SMTNL2: variants seen among roughly 807,000 people sequenced by gnomAD.
SMTNL2 encodes smoothelin-like protein 2.
SMTNL2 carries 43 observed loss-of-function variants against 44.1 expected under a neutral mutation model. That is an observed-to-expected ratio of 0.98 (90% CI 0.76 to 1.26). The LOEUF (loss-of-function observed/expected upper bound fraction) is 1.26, where lower values mean the gene tolerates loss of function less well. SMTNL2 is among the 50% of genes most tolerant of loss of function. SMTNL2 has a pLI of 0.00. For missense variants in SMTNL2, 646 were observed against 670.2 expected (o/e 0.96, Z 0.40); for synonymous variants, 317 against 287.6 (o/e 1.10, Z -1.03).
chr17:4,607,837 C>T lies in SMTNL2; in HGVS notation c.*350C>T, dbSNP rs1159652185. ...TTTCCCTCTGGTGAATTCGATACAT[C>T]GGCTTTACAGGGTTACAGTGATTAC... is the stretch of plus-strand genomic sequence containing the variant. On this transcript the variant is annotated 3_prime_UTR_variant, in exon 8 of 8. Coordinates refer to ENST00000389313, the MANE Select transcript of SMTNL2 (RefSeq NM_001114974.2). The surrounding 1 kb of genome is among the most constrained non-coding windows in gnomAD (Gnocchi z 4.7). 5.1e-6 allele frequency: 1 copy of T among 194,386 alleles called. No homozygotes were observed. The allele number at this position is 194,386 out of a possible 1,614,324, so 12.0% of individuals were successfully genotyped here.
rs181116868 is a variant in SMTNL2 at position 4,598,696 on chromosome 17, C to T, written c.1259+1373C>T. On this transcript the variant is annotated intron_variant, in intron 7 of 7. Transcript: ENST00000389313. The surrounding 1 kb of genome is among the most constrained non-coding windows in gnomAD (Gnocchi z 4.8). ...AAAATTAGCCAGGCATGGTGGCAGGCGCCTGGAGTCCCAGCTACTCAGGAG... is the reference window on the plus strand; with the variant it reads ...AAAATTAGCCAGGCATGGTGGCAGGTGCCTGGAGTCCCAGCTACTCAGGAG... 2.0e-4 allele frequency among the ~76,000 whole-genome samples: 30 copies of T among 152,212 alleles called. No homozygotes were observed. Among genetic ancestry groups the T allele is most frequent in the Admixed American group, 1.7e-3 (26 of 15,288 alleles).
intron 5 of SMTNL2, among the ~76,000 whole-genome samples, chr17:4,596,088 G>A (rs1909798116): frequency 8.2e-6 from 1 of 122,152 alleles, no homozygotes; most frequent in African/African-American, 2.8e-5. Flanking sequence ...ATTGATGCCT[G>A]CTGTGTGCAG....
chr17:4,597,692 C>T (rs1035848658), intron 7 of SMTNL2, among the ~76,000 whole-genome samples: 1 of 152,214 alleles, frequency 6.6e-6, no homozygotes, highest in Non-Finnish European at 1.5e-5. Context: ...TGGAGAGATG[C>T]CGTTGCTTGC....
In SMTNL2 at chr17:4,607,027, A is replaced by G. The variant is rs1910306656; in HGVS notation, c.1260-334A>G. On this transcript the variant is annotated intron_variant, in intron 7 of 7. Transcript: ENST00000389313. This position sits in a 1 kb window ranked among gnomAD's most constrained non-coding sequence, Gnocchi z 4.7. ...TTGGGCCTAGGAGATCGAGGCTGCAATAAGCTAGGATCGTGCCTCTGTACT... is the reference window on the plus strand; with the variant it reads ...TTGGGCCTAGGAGATCGAGGCTGCAGTAAGCTAGGATCGTGCCTCTGTACT... 6.6e-6 allele frequency among the ~76,000 whole-genome samples: 1 copy of G among 152,136 alleles called. No homozygotes were observed. Among genetic ancestry groups the G allele is most frequent in the Admixed American group, 6.5e-5 (1 of 15,270 alleles).
At chr17:4,597,145 G>A (rs756542566) in intron 6 of SMTNL2, 27 bp from the exon 7 acceptor site, 72 of 1,607,840 alleles carry the variant, frequency 4.5e-5, no homozygotes, top group East Asian at 2.5e-4. Flanking sequence ...CTGCCCTCCC[G>A]CACTGACCCC....
intron 4 of SMTNL2, 105 bp downstream of exon 4, chr17:4,594,002 A>T: frequency 8.3e-7 from 1 of 1,205,086 alleles, no homozygotes. Context: ...GCCTCCTGGT[A>T]AGGCTCGGGG....
intron 1 of SMTNL2, among the ~76,000 whole-genome samples, chr17:4,588,613 G>C (rs1909440262): frequency 6.6e-6 from 1 of 152,238 alleles, no homozygotes; most frequent in African/African-American, 2.4e-5. Flanking sequence ...TTCCAGCCCA[G>C]CCCTTTGGTT....
rs1909860606 is a variant in SMTNL2 at position 4,597,298 on chromosome 17, T to C, written c.1234T>C (p.Phe412Leu). 1 of 1,614,082 alleles carries C rather than the reference T, an allele frequency of 6.2e-7. No individual in the cohort carries two copies. The highest frequency in any genetic ancestry group is 8.5e-7 in the Non-Finnish European group (1 of 1,179,964). The change falls in exon 7 of 8, where the codon TTC becomes CTC. Residue 412 changes from phenylalanine (F) to leucine (L), a missense_variant. Phe to Leu is a conservative substitution (Grantham distance 22). Coordinates refer to ENST00000389313, the MANE Select transcript of SMTNL2 (RefSeq NM_001114974.2). ...GAGCCCCACGCAGAGGCAGAAGAACTTCGAGCTGGCTTTCACCATGGCCGA... is the reference window on the plus strand; with the variant it reads ...GAGCCCCACGCAGAGGCAGAAGAACCTCGAGCTGGCTTTCACCATGGCCGA... Reference protein sequence around the residue: ...SLSPTQRQKNFELAFTMAENL... With the variant: ...SLSPTQRQKNLELAFTMAENL...
chr17:4,605,860 G>A (rs1447460482), intron 7 of SMTNL2, among the ~76,000 whole-genome samples: 1 of 152,156 alleles, frequency 6.6e-6, no homozygotes, highest in Non-Finnish European at 1.5e-5. Context: ...GAGGAGGCAG[G>A]GGGCGCAGGG....
intron 1 of SMTNL2, among the ~76,000 whole-genome samples, chr17:4,587,599 GGGGGTCT>G (rs2150518299): frequency 6.6e-6 from 1 of 152,316 alleles, no homozygotes; most frequent in South Asian, 2.1e-4. Context: ...TCTGTGTAGT[GGGGGTCT>G]GGGTGGGACA....
intron 1 of SMTNL2, among the ~76,000 whole-genome samples, chr17:4,589,730 C>T (rs981033913): frequency 2.6e-4 from 39 of 152,140 alleles, no homozygotes; most frequent in African/African-American, 8.9e-4. Flanking sequence ...GACCCTTTCC[C>T]CTGGCTTCGC....
chr17:4,586,407 T>C (rs1400422949), intron 1 of SMTNL2, among the ~76,000 whole-genome samples: 1 of 152,238 alleles, frequency 6.6e-6, no homozygotes, highest in Non-Finnish European at 1.5e-5. Context: ...TCTGAGGTTT[T>C]ATTTGAACAT....
Position 4,592,858 on chromosome 17 carries a change from C to T in SMTNL2, c.488-71C>T. 1.1e-5 allele frequency: 17 copies of T among 1,549,364 alleles called. No individual in the cohort carries two copies. The highest frequency in any genetic ancestry group is 3.7e-5 in the South Asian group (3 of 81,882). On this transcript the variant is annotated intron_variant, in intron 2 of 7. Transcript: ENST00000389313. The surrounding 1 kb of genome is among the most constrained non-coding windows in gnomAD (Gnocchi z 4.5). ...GAGGAGGGCCCAGGGAGGCTAGAGCCCTCCTGGGAGGTCCCAGGCCCCTGT... is the reference window on the plus strand; with the variant it reads ...GAGGAGGGCCCAGGGAGGCTAGAGCTCTCCTGGGAGGTCCCAGGCCCCTGT...
At position 4,600,930 on chromosome 17, in the gene SMTNL2, C is replaced by A. The variant is rs1030806727; in HGVS notation, c.1259+3607C>A. Among the ~76,000 whole-genome samples the A allele has an allele frequency of 1.3e-5, 2 of 152,182 alleles. No homozygotes were observed. Among genetic ancestry groups the A allele is most frequent in the Admixed American group, 1.3e-4 (2 of 15,284 alleles). ...TAGGAGGCAGTAGTCCCAGTCCTGGCATCCTGGTCTGCATTTAGAGCAGGC... is the reference window on the plus strand; with the variant it reads ...TAGGAGGCAGTAGTCCCAGTCCTGGAATCCTGGTCTGCATTTAGAGCAGGC... On this transcript the variant is annotated intron_variant, in intron 7 of 7. Coordinates refer to ENST00000389313, the MANE Select transcript of SMTNL2 (RefSeq NM_001114974.2). This position sits in a 1 kb window ranked among gnomAD's most constrained non-coding sequence, Gnocchi z 4.7.
chr17:4,595,123 AACTCGGCGATTCTT>A lies in SMTNL2; in HGVS notation c.807-21_807-8del. 6.2e-7 allele frequency: 1 copy of A among 1,612,998 alleles called. No individual in the cohort carries two copies. On this transcript the variant is annotated splice_region_variant and splice_polypyrimidine_tract_variant and intron_variant, in intron 4 of 7. Transcript: ENST00000389313. This position sits in a 1 kb window ranked among gnomAD's most constrained non-coding sequence, Gnocchi z 5.1. ...GTGATGGCTGCTGGGCCCAGGTCCC[AACTCGGCGATTCTT>A]TCCTCAGCCCACCGCTGGTGACACC...
At chr17:4,606,283 G>A (rs934481461) in intron 7 of SMTNL2, among the ~76,000 whole-genome samples, 11 of 151,814 alleles carry the variant, frequency 7.2e-5, no homozygotes, top group Non-Finnish European at 1.0e-4. Context: ...CACCACGCCC[G>A]GCTAATTTTT....
At chr17:4,599,950 A>G (rs1909962942) in intron 7 of SMTNL2, among the ~76,000 whole-genome samples, 1 of 152,184 alleles carries the variant, frequency 6.6e-6, no homozygotes, top group African/African-American at 2.4e-5. Flanking sequence ...TGGAGGGGGC[A>G]GGGAGGATGG....
intron 7 of SMTNL2, among the ~76,000 whole-genome samples, chr17:4,601,713 TCTAA>T (rs2150525183): frequency 6.7e-6 from 1 of 150,250 alleles, no homozygotes; most frequent in East Asian, 2.0e-4. Flanking sequence ...AGAGACGGGG[TCTAA>T]CTATGTTGGC....
At chr17:4,590,960 G>T (rs1370271285) in intron 1 of SMTNL2, among the ~76,000 whole-genome samples, 3 of 152,196 alleles carry the variant, frequency 2.0e-5, no homozygotes, top group African/African-American at 7.2e-5. Flanking sequence ...GGACGGGCAT[G>T]ATCAGGATAC....
Sources: allele counts gnomAD v4.1 joint callset (sites outside exome capture counted in the v4.1 genomes callset), GRCh38; gene constraint gnomAD v4.1.1; non-coding constraint Gnocchi (gnomAD v3.1); transcripts MANE v1.5; gene names NCBI Gene and HGNC (gene_info 2026-07-23, HGNC 2026-07-21).